The following KAT2B variants were observed in gnomAD, a reference collection of about 807,000 sequenced individuals.
KAT2B encodes histone acetyltransferase KAT2B.
In KAT2B, 36 loss-of-function variants were observed where a neutral mutation model predicts 105.9. The observed-to-expected ratio is 0.34, with a 90% CI of 0.26 to 0.45. The LOEUF is 0.45. KAT2B is among the 20% of genes least tolerant of loss of function. The pLI, the probability that KAT2B is intolerant of heterozygous loss-of-function variation, is 1.00. For missense variants in KAT2B, 820 were observed against 1,021.6 expected, an observed-to-expected ratio of 0.80 and a Z score of 2.69; for synonymous variants, 397 against 377.9, an observed-to-expected ratio of 1.05 and a Z score of -0.59.
intron 2 of KAT2B, among the ~76,000 whole-genome samples, chr3:20,087,367 G>A (rs1018663036): frequency 4.6e-5 from 7 of 151,438 alleles, no homozygotes; most frequent in African/African-American, 1.7e-4. Context: ...TATTTTTTTC[G>A]GTTTTATTAA....
intron 9 of KAT2B, among the ~76,000 whole-genome samples, chr3:20,123,671 T>C (rs1011338427): frequency 6.6e-6 from 1 of 152,224 alleles, no homozygotes; most frequent in Non-Finnish European, 1.5e-5. Flanking sequence ...TTAGGGATTG[T>C]GCATTGCATT....
intron 11 of KAT2B, among the ~76,000 whole-genome samples, chr3:20,128,083 C>G (rs2125180662): frequency 6.6e-6 from 1 of 152,280 alleles, no homozygotes; most frequent in South Asian, 2.1e-4. Flanking sequence ...GTTTCACCTA[C>G]CAACAAGTAG....
intron 1 of KAT2B, among the ~76,000 whole-genome samples, chr3:20,055,231 C>G (rs745370505): frequency 6.6e-6 from 1 of 152,082 alleles, no homozygotes; most frequent in Non-Finnish European, 1.5e-5. Flanking sequence ...CCTCAGATTT[C>G]GCAGCTGTAA....
intron 2 of KAT2B, among the ~76,000 whole-genome samples, chr3:20,080,595 A>G (rs1329086471): frequency 1.3e-5 from 2 of 152,224 alleles, no homozygotes; most frequent in African/African-American, 2.4e-5. Context: ...GTAAATAGTC[A>G]TTGAATTCAA....
intron 13 of KAT2B, among the ~76,000 whole-genome samples, chr3:20,144,332 A>C (rs1238525309): frequency 8.2e-6 from 1 of 121,734 alleles, no homozygotes. Context: ...TCTGTCACCC[A>C]GGCTGGAGTG....
At chr3:20,136,163 A>G (rs1284046613) in intron 11 of KAT2B, among the ~76,000 whole-genome samples, 5 of 152,188 alleles carry the variant, frequency 3.3e-5, no homozygotes, top group Admixed American at 2.0e-4. Flanking sequence ...AATTGCAGAA[A>G]ATTTATGTGA....
At chr3:20,044,642 C>G (rs1485652864) in intron 1 of KAT2B, among the ~76,000 whole-genome samples, 2 of 152,060 alleles carry the variant, frequency 1.3e-5, no homozygotes, top group African/African-American at 4.8e-5. Flanking sequence ...GGACTGGAAG[C>G]TCTTCTTTCC....
chr3:20,121,730 ATATGTGTGTGTGTGTGTGTGTGTGTGTG>A (rs1313143683), intron 8 of KAT2B, among the ~76,000 whole-genome samples: 2 of 92,502 alleles, frequency 2.2e-5, no homozygotes, highest in East Asian at 5.1e-4. Flanking sequence ...ACACATATGC[ATATGTGTGTGTGTGTGTGTGTGTGTGTG>A]TGTGTGTGTG....
intron 1 of KAT2B, among the ~76,000 whole-genome samples, chr3:20,045,828 C>G (rs62243075): frequency 0.13 from 20,241 of 152,242 alleles, 1,818 homozygotes; most frequent in Non-Finnish European, 0.19. Flanking sequence ...AATGATGTTA[C>G]CCGCCTCATG....
chr3:20,153,242 C>T lies in KAT2B; in HGVS notation c.*717C>T, dbSNP rs1021400484. ...ACTATTTTAATAATTATTTTCTCTA[C>T]ACAAATGTGTAATATCATATTTGAC... On this transcript the variant is annotated 3_prime_UTR_variant, in exon 18 of 18. Transcript: ENST00000263754. 2.0e-5 allele frequency: 3 copies of T among 152,306 alleles called. No homozygotes were observed. Among genetic ancestry groups the T allele is most frequent in the African/African-American group, 7.2e-5 (3 of 41,450 alleles). 9.4% of individuals were successfully genotyped at this position (152,306 alleles called of 1,614,324 possible).
chr3:20,131,176 C>G (rs1041107772), intron 11 of KAT2B, among the ~76,000 whole-genome samples: 1 of 151,644 alleles, frequency 6.6e-6, no homozygotes, highest in African/African-American at 2.4e-5. Flanking sequence ...CCACCATGCC[C>G]GGCTAATTTT....
At chr3:20,083,529 A>G (rs1006320789) in intron 2 of KAT2B, among the ~76,000 whole-genome samples, 3 of 152,210 alleles carry the variant, frequency 2.0e-5, no homozygotes, top group Non-Finnish European at 4.4e-5. Flanking sequence ...TCTAGAGATA[A>G]GTTAAACAAG....
intron 5 of KAT2B, among the ~76,000 whole-genome samples, chr3:20,105,636 C>G (rs2125160073): frequency 6.6e-6 from 1 of 151,666 alleles, no homozygotes; most frequent in African/African-American, 2.4e-5. Context: ...AAAAAACTAG[C>G]TGGGTGTGGT....
At chr3:20,122,989 GAAT>G (rs1699337714) in intron 9 of KAT2B, 185 bp downstream of exon 9, 1 of 965,488 alleles carries the variant, frequency 1.0e-6, no homozygotes, top group Non-Finnish European at 1.2e-6. Context: ...TCCCCTTGAT[GAAT>G]ATCACATCAC....
intron 10 of KAT2B, 113 bp from the exon 11 acceptor site, chr3:20,127,310 T>C: frequency 1.1e-6 from 1 of 945,600 alleles, no homozygotes. Context: ...AGGAAGTTTC[T>C]ATAGAAACTT....
At chr3:20,128,419 T>C (rs1230335247) in intron 11 of KAT2B, among the ~76,000 whole-genome samples, 2 of 152,218 alleles carry the variant, frequency 1.3e-5, no homozygotes, top group Non-Finnish European at 2.9e-5. Context: ...AGGGAAGTCA[T>C]GTAAATTTAT....
chr3:20,099,545 T>C (rs1393448399), intron 3 of KAT2B, among the ~76,000 whole-genome samples: 2 of 152,254 alleles, frequency 1.3e-5, no homozygotes, highest in South Asian at 2.1e-4. Flanking sequence ...AAGAGGGAAG[T>C]GCATGGGACG....
At chr3:20,103,340 C>T (rs890333118) in intron 5 of KAT2B, among the ~76,000 whole-genome samples, 1 of 152,110 alleles carries the variant, frequency 6.6e-6, no homozygotes, top group African/African-American at 2.4e-5. Context: ...AGAAAATAAT[C>T]GTTTCATCAA....
intron 9 of KAT2B, among the ~76,000 whole-genome samples, chr3:20,123,446 T>G (rs1363822373): frequency 2.0e-5 from 3 of 152,220 alleles, no homozygotes; most frequent in African/African-American, 7.2e-5. Context: ...AAATAAAGTT[T>G]TATTGAAACA....
Sources: allele counts gnomAD v4.1 joint callset (sites outside exome capture counted in the v4.1 genomes callset), GRCh38; gene constraint gnomAD v4.1.1; transcripts MANE v1.5; gene names NCBI Gene and HGNC (gene_info 2026-07-23, HGNC 2026-07-21).